Variants in MED12L observed in about 807,000 individuals in gnomAD.
MED12L encodes mediator complex subunit 12L, also known as mediator of RNA polymerase II transcription subunit 12-like protein.
A neutral mutation model predicts 281.3 loss-of-function variants in MED12L; 60 were observed. The observed-to-expected ratio is 0.21, with a 90% CI of 0.17 to 0.26. The LOEUF (loss-of-function observed/expected upper bound fraction) is 0.26, where lower values mean the gene tolerates loss of function less well. MED12L is among the 10% of genes least tolerant of loss of function. The pLI is 1.00. For synonymous variants in MED12L, 974 were observed against 987.2 expected (o/e 0.99, Z 0.25); for missense variants, 2,146 against 2,680.9 (o/e 0.80, Z 4.41).
At chr3:151,340,157 C>T (rs908253927) in intron 16 of MED12L, among the ~76,000 whole-genome samples, 1 of 152,044 alleles carries the variant, frequency 6.6e-6, no homozygotes, top group African/African-American at 2.4e-5. Context: ...TAATGTTTTC[C>T]AATACAAGAT....
chr3:151,101,243 G>A (rs889217529), intron 2 of MED12L, among the ~76,000 whole-genome samples: 3 of 152,148 alleles, frequency 2.0e-5, no homozygotes, highest in Non-Finnish European at 2.9e-5. Flanking sequence ...ATAACATTCC[G>A]TAGAGTGTAC....
intron 16 of MED12L, chr3:151,328,024 A>C (rs769046736): frequency 6.3e-7 from 1 of 1,591,254 alleles, no homozygotes; most frequent in Non-Finnish European, 8.5e-7. Flanking sequence ...TCTGACTGCT[A>C]TGATTTTCTT....
At chr3:151,129,130 A>G (rs904050735) in intron 5 of MED12L, among the ~76,000 whole-genome samples, 1 of 152,250 alleles carries the variant, frequency 6.6e-6, no homozygotes, top group Non-Finnish European at 1.5e-5. Context: ...GGAGAGTCCA[A>G]TCACAAATCT....
chr3:151,177,663 T>TTTA (rs1722217112), intron 11 of MED12L, among the ~76,000 whole-genome samples: 1 of 152,028 alleles, frequency 6.6e-6, no homozygotes, highest in African/African-American at 2.4e-5. Context: ...CTTTTTTTTT[T>TTTA]TTATTATTTA....
At position 151,376,176 on chromosome 3, in the gene MED12L, G is replaced by A; in HGVS notation, c.4015G>A (p.Asp1339Asn). The A allele has an allele frequency of 6.2e-7, 1 of 1,601,720 alleles. No homozygotes were observed. The highest frequency in any genetic ancestry group is 1.3e-5 in the African/African-American group (1 of 74,288). Reference sequence around the variant, plus strand: ...TGGCATTAAAGAATGTACCGAGGGGGACAATCTGCAAAGACAGCACATTAA... The same window carrying A: ...TGGCATTAAAGAATGTACCGAGGGGAACAATCTGCAAAGACAGCACATTAA... ...PHGIKECTEGDNLQRQHIKRI... is the reference protein window; with the variant it reads ...PHGIKECTEGNNLQRQHIKRI... Residue 1339 changes from aspartate (D) to asparagine (N), a missense_variant, in exon 28 of 45, where the codon GAC (aspartate) becomes AAC (asparagine). Asp to Asn is a conservative substitution (Grantham distance 23, BLOSUM62 1). Coordinates refer to ENST00000687756, the MANE Select transcript of MED12L (RefSeq NM_001393769.1).
chr3:151,256,282 C>G (rs1737801467), intron 16 of MED12L, among the ~76,000 whole-genome samples: 1 of 152,164 alleles, frequency 6.6e-6, no homozygotes, highest in East Asian at 1.9e-4. Flanking sequence ...TAAACTCAAA[C>G]TATTACGGAT....
intron 3 of MED12L, among the ~76,000 whole-genome samples, chr3:151,117,679 A>C (rs1032566819): frequency 1.3e-5 from 2 of 151,218 alleles, no homozygotes; most frequent in Admixed American, 6.6e-5. Flanking sequence ...TAAATGTAGA[A>C]TTTTTCTACA....
intron 39 of MED12L, among the ~76,000 whole-genome samples, chr3:151,407,197 C>T (rs888961768): frequency 2.6e-5 from 4 of 152,066 alleles, no homozygotes; most frequent in East Asian, 1.9e-4. Context: ...TATTCTAGCT[C>T]CCCCCACCAT....
chr3:151,210,828 A>G (rs1181771929), intron 16 of MED12L, among the ~76,000 whole-genome samples: 1 of 152,242 alleles, frequency 6.6e-6, no homozygotes. Context: ...CTCTCTTGGC[A>G]GAGACTCTGA....
At chr3:151,105,458 TCAC>T (rs1411541697) in intron 2 of MED12L, among the ~76,000 whole-genome samples, 7 of 152,138 alleles carry the variant, frequency 4.6e-5, no homozygotes, top group Non-Finnish European at 1.0e-4. Context: ...CCCTCTCAGG[TCAC>T]CCGGAATGGC....
chr3:151,124,288 A>G (rs189892472), intron 4 of MED12L, among the ~76,000 whole-genome samples: 58 of 152,358 alleles, frequency 3.8e-4, no homozygotes, highest in African/African-American at 1.3e-3. Context: ...AAGTTGAATC[A>G]TGGTGCAGTG....
At chr3:151,208,036 T>G (rs1406384421) in intron 16 of MED12L, among the ~76,000 whole-genome samples, 1 of 152,218 alleles carries the variant, frequency 6.6e-6, no homozygotes, top group Non-Finnish European at 1.5e-5. Context: ...ACATTCTGAA[T>G]GTACTTTGCA....
intron 16 of MED12L, among the ~76,000 whole-genome samples, chr3:151,253,496 A>C (rs1737229698): frequency 6.6e-6 from 1 of 152,062 alleles, no homozygotes. Flanking sequence ...TTAAATTTCA[A>C]CTTTAGTGGA....
At position 151,315,392 on chromosome 3, in the gene MED12L, G is replaced by A. The variant is rs575908981; in HGVS notation, c.2251-34667G>A. On this transcript the variant is annotated intron_variant, in intron 16 of 44. Transcript: ENST00000687756. ...TCTCTGAATGCAGTAAATCCTCTTA[G>A]CATGTTATCTCTGGTTAGGGCATTT... Among the ~76,000 whole-genome samples the A allele has an allele frequency of 3.3e-5, 5 of 152,276 alleles. No homozygotes were observed. The South Asian group carries it at 1.0e-3, about 32-fold the overall frequency.
intron 16 of MED12L, among the ~76,000 whole-genome samples, chr3:151,344,152 C>T (rs770272012): frequency 6.6e-6 from 1 of 151,920 alleles, no homozygotes; most frequent in Non-Finnish European, 1.5e-5. Flanking sequence ...AAGTGTTCTG[C>T]TTGCAAGAAG....
intron 22 of MED12L, 120 bp from the exon 23 acceptor site, chr3:151,365,730 T>A: frequency 1.1e-6 from 1 of 892,938 alleles, no homozygotes; most frequent in East Asian, 2.5e-5. Flanking sequence ...GTATTTTATC[T>A]GTGAATCTAA....
chr3:151,392,331 ATGG>A, intron 38 of MED12L, among the ~76,000 whole-genome samples: 1 of 151,964 alleles, frequency 6.6e-6, no homozygotes, highest in South Asian at 2.1e-4. Context: ...TTAGCCAGGC[ATGG>A]TGGTGCCTGA....
intron 16 of MED12L, among the ~76,000 whole-genome samples, chr3:151,314,220 G>C (rs1560017283): frequency 6.6e-6 from 1 of 152,182 alleles, no homozygotes; most frequent in Non-Finnish European, 1.5e-5. Flanking sequence ...ATGTATTTTA[G>C]TGTAATTTTT....
intron 39 of MED12L, among the ~76,000 whole-genome samples, chr3:151,408,485 A>G (rs1444650857): frequency 2.0e-5 from 3 of 152,234 alleles, no homozygotes; most frequent in African/African-American, 7.2e-5. Flanking sequence ...TCCTGAAAAA[A>G]AAACAGAGTG....
Sources: gnomAD v4.1 joint callset for allele counts (sites outside exome capture counted in the v4.1 genomes callset) on GRCh38, gnomAD v4.1.1 for gene constraint, MANE v1.5 for transcripts, NCBI Gene and HGNC (gene_info 2026-07-23, HGNC 2026-07-21) for gene names.